TCF4: variants seen among roughly 807,000 people sequenced by gnomAD.
TCF4 encodes the protein transcription factor 4, also known as SL3-3 enhancer factor 2.
A neutral mutation model predicts 82.1 loss-of-function variants in TCF4; 3 were observed. The observed-to-expected ratio is 0.04, with a 90% CI of 0.02 to 0.09. The LOEUF (loss-of-function observed/expected upper bound fraction) is 0.09, where lower values mean the gene tolerates loss of function less well. Ranked by LOEUF, TCF4 falls within the 10% of genes least tolerant of loss-of-function variation. TCF4 has a pLI of 1.00. For missense variants in TCF4, 518 were observed against 852.7 expected (o/e 0.61, Z 4.89); for synonymous variants, 276 against 309.6 (o/e 0.89, Z 1.14).
chr18:55,404,629 C>A (rs2093995013), intron 5 of TCF4, among the ~76,000 whole-genome samples: 1 of 152,160 alleles, frequency 6.6e-6, no homozygotes, highest in African/African-American at 2.4e-5. Context: ...GTTTTCCCCT[C>A]TCAACTCAAC....
intron 5 of TCF4, chr18:55,422,564 G>A (rs891956494): frequency 1.4e-6 from 1 of 716,892 alleles, no homozygotes; most frequent in Non-Finnish European, 1.7e-6. Flanking sequence ...AATTTAGGGG[G>A]GTGGTTTAAA....
intron 8 of TCF4, among the ~76,000 whole-genome samples, chr18:55,285,249 G>A (rs896064335): frequency 1.3e-5 from 2 of 152,136 alleles, no homozygotes; most frequent in Admixed American, 6.5e-5. Context: ...GACCAATTAG[G>A]TTCAAATTCC....
chr18:55,398,679 A>G (rs2093634810), intron 6 of TCF4, among the ~76,000 whole-genome samples: 1 of 152,196 alleles, frequency 6.6e-6, no homozygotes, highest in East Asian at 1.9e-4. Context: ...AATATGGTTC[A>G]TGTACATTGC....
Position 55,441,820 on chromosome 18 carries a change from A to C in TCF4, c.304+19199T>G, listed in dbSNP as rs959339758. Among the ~76,000 whole-genome samples, 6 of 152,196 alleles carry C rather than the reference A, an allele frequency of 3.9e-5. No individual in the cohort carries two copies. The South Asian group carries it at 1.0e-3, about 26-fold the overall frequency. The stretch of plus-strand genomic sequence containing the variant: ...GAGTAATATAGTCACAAATCAGTGG[A>C]AACTCTTCAGCAGGCCACAGCATAG... On this transcript the variant is annotated intron_variant, in intron 5 of 19. Transcript: ENST00000354452.
intron 6 of TCF4, among the ~76,000 whole-genome samples, chr18:55,377,973 G>A (rs2091163687): frequency 6.6e-6 from 1 of 152,060 alleles, no homozygotes. Context: ...GTGCCATTTT[G>A]TAACTTTTTA....
chr18:55,349,341 AATCTT>A (rs2081862489), intron 8 of TCF4, among the ~76,000 whole-genome samples: 1 of 152,184 alleles, frequency 6.6e-6, no homozygotes, highest in Non-Finnish European at 1.5e-5. Context: ...GGGTTAATCT[AATCTT>A]AGCACATTTG....
At chr18:55,597,896 C>T (rs912150889) in intron 2 of TCF4, among the ~76,000 whole-genome samples, 1 of 152,110 alleles carries the variant, frequency 6.6e-6, no homozygotes, top group Non-Finnish European at 1.5e-5. Flanking sequence ...TTGCTCTAGT[C>T]AGTTAAGCAT....
intron 3 of TCF4, among the ~76,000 whole-genome samples, chr18:55,495,194 T>C (rs12959960): frequency 6.6e-6 from 1 of 151,678 alleles, no homozygotes; most frequent in South Asian, 2.1e-4. Flanking sequence ...TTGCACCAAG[T>C]GACTTATCAA....
chr18:55,316,709 G>A (rs2074233386), intron 8 of TCF4, among the ~76,000 whole-genome samples: 1 of 152,048 alleles, frequency 6.6e-6, no homozygotes, highest in Non-Finnish European at 1.5e-5. Context: ...ACAATTTCCT[G>A]TAGATCAGTT....
intron 3 of TCF4, among the ~76,000 whole-genome samples, chr18:55,580,778 G>GTA (rs985270325): frequency 1.4e-5 from 2 of 144,244 alleles, no homozygotes; most frequent in South Asian, 2.2e-4. Flanking sequence ...GTGTGTGTGT[G>GTA]TATAGAACTC....
At chr18:55,364,220 T>C (rs947105554) in intron 6 of TCF4, among the ~76,000 whole-genome samples, 2 of 152,188 alleles carry the variant, frequency 1.3e-5, no homozygotes, top group African/African-American at 4.8e-5. Context: ...TGGATAATAT[T>C]GGACAAGTGT....
intron 2 of TCF4, among the ~76,000 whole-genome samples, chr18:55,600,992 C>A (rs894582602): frequency 1.3e-5 from 2 of 152,072 alleles, no homozygotes; most frequent in African/African-American, 4.8e-5. Flanking sequence ...GACTTGAGCA[C>A]CTGTGGAGTC....
chr18:55,236,939 T>A (rs779298898), intron 15 of TCF4, among the ~76,000 whole-genome samples: 1 of 143,752 alleles, frequency 7.0e-6, no homozygotes, highest in Non-Finnish European at 1.6e-5. Flanking sequence ...TCATTAACAC[T>A]CTCAAGATTT....
At chr18:55,351,581 A>G (rs1370553021) in intron 6 of TCF4, among the ~76,000 whole-genome samples, 1 of 152,134 alleles carries the variant, frequency 6.6e-6, no homozygotes, top group Non-Finnish European at 1.5e-5. Context: ...CAGAAATAGC[A>G]GATATTCCAA....
chr18:55,460,363 T>C (rs566979400), intron 5 of TCF4, among the ~76,000 whole-genome samples: 3 of 152,060 alleles, frequency 2.0e-5, no homozygotes, highest in Admixed American at 6.6e-5. Context: ...CAAACATCCC[T>C]ACAGGGTAGC....
chr18:55,562,226 T>C (rs2097361286), intron 3 of TCF4, among the ~76,000 whole-genome samples: 1 of 152,188 alleles, frequency 6.6e-6, no homozygotes, highest in Non-Finnish European at 1.5e-5. Context: ...AGAGAAAGTT[T>C]GCCGACCCCT....
intron 6 of TCF4, among the ~76,000 whole-genome samples, chr18:55,371,082 A>T (rs2088998943): frequency 6.6e-6 from 1 of 152,270 alleles, no homozygotes; most frequent in Non-Finnish European, 1.5e-5. Flanking sequence ...AGGCTGTATC[A>T]AAGCTTAGAC....
chr18:55,593,274 A>AG (rs1773455327), upstream of TCF4, among the ~76,000 whole-genome samples: 1 of 151,932 alleles, frequency 6.6e-6, no homozygotes, highest in African/African-American at 2.4e-5. Flanking sequence ...AAAAAAAAAA[A>AG]TTATAACTAT....
chr18:55,500,076 G>A (rs1292851195), intron 3 of TCF4, among the ~76,000 whole-genome samples: 2 of 152,084 alleles, frequency 1.3e-5, no homozygotes, highest in Non-Finnish European at 2.9e-5. Context: ...CCAGCTACTC[G>A]GAGGCTGAGG....
Sources: allele counts gnomAD v4.1 joint callset (sites outside exome capture counted in the v4.1 genomes callset), GRCh38; gene constraint gnomAD v4.1.1; transcripts MANE v1.5; gene names NCBI Gene and HGNC (gene_info 2026-07-23, HGNC 2026-07-21).